Variants in MYO10 observed in about 807,000 individuals in gnomAD.
MYO10 encodes the protein myosin X.
In MYO10, 133 loss-of-function variants were observed where a neutral mutation model predicts 257.3. The observed-to-expected ratio is 0.52, with a 90% CI of 0.45 to 0.60. The LOEUF (loss-of-function observed/expected upper bound fraction) is 0.60. Ranked by LOEUF, MYO10 falls within the 20% of genes least tolerant of loss-of-function variation. The pLI is 0.00. For synonymous variants in MYO10, 1,104 were observed against 1,028.6 expected, an observed-to-expected ratio of 1.07 and a Z score of -1.40; for missense variants, 2,399 against 2,635.7, an observed-to-expected ratio of 0.91 and a Z score of 1.97.
intron 19 of MYO10, among the ~76,000 whole-genome samples, chr5:16,752,889 A>G (rs1289018647): frequency 2.0e-5 from 3 of 152,136 alleles, no homozygotes. Flanking sequence ...TTATGTTACC[A>G]TTTTTTTGGT....
intron 1 of MYO10, among the ~76,000 whole-genome samples, chr5:16,893,195 T>TCAAA (rs1561043788): frequency 2.6e-4 from 3 of 11,538 alleles, no homozygotes; most frequent in Admixed American, 1.3e-3. Context: ...AGACTCTGTC[T>TCAAA]CAAAAAAAAA....
chr5:16,889,002 G>A (rs1744968395), intron 1 of MYO10, among the ~76,000 whole-genome samples: 1 of 151,742 alleles, frequency 6.6e-6, no homozygotes, highest in African/African-American at 2.4e-5. Context: ...GCAAAACCCT[G>A]TTTCTGCAAA....
chr5:16,699,061 T>C (rs186207271), intron 26 of MYO10, among the ~76,000 whole-genome samples: 13 of 151,260 alleles, frequency 8.6e-5, no homozygotes, highest in African/African-American at 3.2e-4. Context: ...AAAGAGAAAG[T>C]GGGAGAGAGA....
chr5:16,717,937 C>CA (rs1738945541), intron 19 of MYO10, among the ~76,000 whole-genome samples: 1 of 152,216 alleles, frequency 6.6e-6, no homozygotes, highest in Non-Finnish European at 1.5e-5. Context: ...CCTCAGCTTG[C>CA]AGGGAGGTGT....
intron 10 of MYO10, among the ~76,000 whole-genome samples, chr5:16,768,009 C>T (rs1000822476): frequency 6.6e-6 from 1 of 151,826 alleles, no homozygotes; most frequent in African/African-American, 2.4e-5. Flanking sequence ...TGGTAAACAT[C>T]AACAGATACA....
intron 19 of MYO10, among the ~76,000 whole-genome samples, chr5:16,746,971 A>G (rs1740214253): frequency 6.6e-6 from 1 of 152,184 alleles, no homozygotes; most frequent in South Asian, 2.1e-4. Context: ...CATGTGGCAG[A>G]CCCTCACACC....
intron 2 of MYO10, among the ~76,000 whole-genome samples, chr5:16,819,817 T>C (rs905462146): frequency 4.6e-5 from 7 of 152,260 alleles, no homozygotes; most frequent in South Asian, 2.1e-4. Flanking sequence ...ACAAATGGCA[T>C]GTTTCATTTT....
At chr5:16,795,053 G>A (rs1170987554) in intron 3 of MYO10, among the ~76,000 whole-genome samples, 1 of 145,596 alleles carries the variant, frequency 6.9e-6, no homozygotes, top group Non-Finnish European at 1.5e-5. Context: ...AGAGAAGGAA[G>A]ATGGTGAGGC....
intron 2 of MYO10, among the ~76,000 whole-genome samples, chr5:16,840,442 AAT>A (rs1212128254): frequency 0.05 from 5,648 of 112,794 alleles, 342 homozygotes; most frequent in African/African-American, 0.14. Flanking sequence ...TGAATGAATG[AAT>A]GAAAGAAAGA....
At chr5:16,778,691 T>TG (rs1281377158) in intron 9 of MYO10, among the ~76,000 whole-genome samples, 2 of 12,040 alleles carry the variant, frequency 1.7e-4, no homozygotes, top group Non-Finnish European at 8.8e-4. Flanking sequence ...TGCTGAGGTT[T>TG]TTTTTTTTTT....
rs1375603976 is a variant in MYO10, at chr5:16,665,174, G to C, written c.*1518C>G. ...GCCGAGATCACGCCACTGTACTCCA[G>C]CCTGGGTAACAGAGTGAGACTCTGT... On this transcript the variant is annotated 3_prime_UTR_variant, in exon 41 of 41. Transcript: ENST00000513610. 1 of 149,678 alleles carries C rather than the reference G, an allele frequency of 6.7e-6. No individual in the cohort carries two copies. The highest frequency in any genetic ancestry group is 2.5e-5 in the African/African-American group (1 of 40,592). The allele number at this position is 149,678 out of a possible 1,614,324, so 9.3% of individuals were successfully genotyped here. A position where few individuals can be genotyped will look rare whatever the true frequency, so the allele number is the denominator to read the frequency against.
intron 1 of MYO10, 143 bp downstream of exon 1, chr5:16,935,645 G>C: frequency 1.1e-6 from 1 of 914,680 alleles, no homozygotes; most frequent in Non-Finnish European, 1.7e-6. Flanking sequence ...GACTCCGCGG[G>C]GGGATGGGGG....
intron 19 of MYO10, among the ~76,000 whole-genome samples, chr5:16,740,198 C>T (rs1739966913): frequency 1.3e-5 from 2 of 152,088 alleles, no homozygotes; most frequent in South Asian, 2.1e-4. Context: ...GAGGGAGTGA[C>T]AGCTGGGAGG....
At chr5:16,775,301 T>C (rs1741181778) in intron 9 of MYO10, among the ~76,000 whole-genome samples, 1 of 152,240 alleles carries the variant, frequency 6.6e-6, no homozygotes, top group African/African-American at 2.4e-5. Flanking sequence ...GGTACTTTTT[T>C]ATATTAATGT....
At chr5:16,868,813 A>C (rs187473538) in intron 2 of MYO10, among the ~76,000 whole-genome samples, 1 of 152,330 alleles carries the variant, frequency 6.6e-6, no homozygotes, top group East Asian at 1.9e-4. Context: ...AGCAAGTATA[A>C]GTTACAAGTC....
intron 19 of MYO10, among the ~76,000 whole-genome samples, chr5:16,745,264 C>CG (rs961610808): frequency 2.6e-5 from 4 of 152,202 alleles, no homozygotes; most frequent in Non-Finnish European, 4.4e-5. Flanking sequence ...TGCTTGAACC[C>CG]GGGGGAGGTG....
chr5:16,830,094 G>A (rs1263235329), intron 2 of MYO10, among the ~76,000 whole-genome samples: 2 of 151,964 alleles, frequency 1.3e-5, no homozygotes, highest in African/African-American at 2.4e-5. Context: ...AAATTAGCCG[G>A]GCGTCATGGT....
intron 1 of MYO10, chr5:16,902,784 A>G (rs1580133573): frequency 3.2e-5 from 20 of 622,786 alleles, no homozygotes; most frequent in South Asian, 5.8e-5. Context: ...TTACAGGCGT[A>G]AGCCACCGTG....
chr5:16,896,569 G>A (rs1165874223), intron 1 of MYO10, among the ~76,000 whole-genome samples: 2 of 152,078 alleles, frequency 1.3e-5, no homozygotes, highest in Non-Finnish European at 2.9e-5. Context: ...CTCCAGCCTG[G>A]GCAACAAAGC....
Sources: allele counts gnomAD v4.1 joint callset (sites outside exome capture counted in the v4.1 genomes callset), GRCh38; gene constraint gnomAD v4.1.1; transcripts MANE v1.5; gene names NCBI Gene and HGNC (gene_info 2026-07-23, HGNC 2026-07-21).